The following KIAA1210 variants were observed in gnomAD, a reference collection of about 807,000 sequenced individuals.
The protein encoded by KIAA1210 is acrosomal protein KIAA1210.
A neutral mutation model predicts 78.9 loss-of-function variants in KIAA1210; 48 were observed. The observed-to-expected ratio is 0.61, with a 90% CI of 0.48 to 0.77. The LOEUF (loss-of-function observed/expected upper bound fraction) is 0.77, where lower values mean the gene tolerates loss of function less well. Among genes scored for constraint, KIAA1210 ranks in the 30% least tolerant of loss-of-function variants. The probability of loss-of-function intolerance (pLI) is 0.00; values close to 1 mark genes in which losing one functional copy is unlikely to be tolerated. For missense variants in KIAA1210, 1,108 were observed against 1,100.0 expected, an observed-to-expected ratio of 1.01 and a Z score of -0.10; for synonymous variants, 406 against 404.5, an observed-to-expected ratio of 1.00 and a Z score of -0.04.
At chrX:119,113,389 T>G (rs1245756628) in intron 3 of KIAA1210, among the ~76,000 whole-genome samples, 1 of 112,177 alleles carries the variant, frequency 8.9e-6, no homozygotes, top group African/African-American at 3.2e-5. Context: ...AAGTTCTTGA[T>G]GCATGATTTT....
At chrX:119,121,007 T>G (rs1308981135) in intron 2 of KIAA1210, among the ~76,000 whole-genome samples, 2 of 110,877 alleles carry the variant, frequency 1.8e-5, no homozygotes, top group Non-Finnish European at 3.8e-5. Context: ...GACCGCCCTA[T>G]CCCTAACTGT....
In KIAA1210 at chrX:119,087,739, C is replaced by T. The variant is rs1927203103; in HGVS notation, c.2963G>A (p.Arg988Lys). ...PPQYATQFLK[R>K]SKVQEMTSRL... ...TGAGGTCATTTCCTGAACTTTAGAC[C>T]TCTTTAAGAACTGGGTAGCATATTG... Residue 988 changes from arginine (R) to lysine (K), a missense_variant, in exon 9 of 12, where the codon AGG (arginine) becomes AAG (lysine). Coordinates refer to ENST00000691062, the MANE Select transcript of KIAA1210 (RefSeq NM_001394962.1). The T allele has an allele frequency of 1.7e-6, 2 of 1,209,955 alleles. No individual in the cohort carries two copies. Among genetic ancestry groups the T allele is most frequent in the African/African-American group, 3.5e-5 (2 of 57,168 alleles).
At chrX:119,134,312 C>A (rs773124637) in intron 2 of KIAA1210, among the ~76,000 whole-genome samples, 1 of 112,585 alleles carries the variant, frequency 8.9e-6, no homozygotes, top group South Asian at 3.7e-4. Flanking sequence ...GGATTTAATT[C>A]TTTTACATAG....
At position 119,106,408 on chromosome X, in the gene KIAA1210, C is replaced by A. The variant is rs183937081; in HGVS notation, c.493-1261G>T. Reference sequence around the variant, plus strand: ...TGCCCTAATTCTTTCAGTGGCAGAGCAAGCATTTGAAAGGTCTGTCCAGCT... The same window carrying A: ...TGCCCTAATTCTTTCAGTGGCAGAGAAAGCATTTGAAAGGTCTGTCCAGCT... On this transcript the variant is annotated intron_variant, in intron 5 of 11. Coordinates refer to ENST00000691062, the MANE Select transcript of KIAA1210 (RefSeq NM_001394962.1). 6.5e-3 allele frequency among the ~76,000 whole-genome samples: 721 copies of A among 111,455 alleles called. 4 individuals are homozygous for A. The highest frequency in any genetic ancestry group is 0.032 in the Middle Eastern group (7 of 218).
intron 2 of KIAA1210, among the ~76,000 whole-genome samples, chrX:119,118,259 T>C (rs1928339755): frequency 8.9e-6 from 1 of 112,010 alleles, no homozygotes; most frequent in Non-Finnish European, 1.9e-5. Context: ...ATTAGCTCTG[T>C]GACCTGGAGT....
chrX:119,085,149 T>C (rs954397144), intron 10 of KIAA1210, among the ~76,000 whole-genome samples: 2 of 112,403 alleles, frequency 1.8e-5, no homozygotes, highest in Non-Finnish European at 3.8e-5. Context: ...CCTAGAGTGC[T>C]GGGATTATAA....
chrX:119,098,462 G>A (rs760932196), intron 6 of KIAA1210, among the ~76,000 whole-genome samples: 2 of 110,665 alleles, frequency 1.8e-5, no homozygotes, highest in East Asian at 2.8e-4. Flanking sequence ...AAACTTAGCC[G>A]GGTGTGGTGG....
intron 6 of KIAA1210, among the ~76,000 whole-genome samples, chrX:119,102,837 T>C (rs1021006624): frequency 4.5e-5 from 5 of 111,950 alleles, no homozygotes; most frequent in African/African-American, 1.6e-4. Flanking sequence ...TTCACAGGTG[T>C]GGGACAAAGG....
At chrX:119,132,943 C>A (rs1213126588) in intron 2 of KIAA1210, among the ~76,000 whole-genome samples, 1 of 111,799 alleles carries the variant, frequency 8.9e-6, no homozygotes, top group Admixed American at 9.5e-5. Context: ...GCCTTTCAAA[C>A]TATTGCTGTA....
At chrX:119,119,895 G>A (rs1043548961) in intron 2 of KIAA1210, among the ~76,000 whole-genome samples, 6 of 104,877 alleles carry the variant, frequency 5.7e-5, no homozygotes, top group Non-Finnish European at 1.2e-4. Flanking sequence ...AGAATGGCAC[G>A]AACCCGGGAG....
intron 2 of KIAA1210, among the ~76,000 whole-genome samples, chrX:119,133,708 C>T (rs1266604129): frequency 1.9e-5 from 2 of 104,320 alleles, no homozygotes; most frequent in African/African-American, 3.5e-5. Flanking sequence ...CTCGCTCTGT[C>T]GCCAGGCTGG....
chrX:119,085,567 G>A, intron 9 of KIAA1210, 21 bp from the exon 10 acceptor site: 1 of 1,195,269 alleles, frequency 8.4e-7, no homozygotes, highest in South Asian at 1.9e-5. Context: ...AATGAAAGGA[G>A]TTAGAACTGA....
At chrX:119,096,878 T>C (rs1247969560) in intron 6 of KIAA1210, among the ~76,000 whole-genome samples, 187 bp from the exon 7 acceptor site, 1 of 112,512 alleles carries the variant, frequency 8.9e-6, no homozygotes, top group Non-Finnish European at 1.9e-5. Context: ...CTGGTTTTCT[T>C]GCAGATGAAA....
upstream of KIAA1210, among the ~76,000 whole-genome samples, chrX:119,131,797 A>G (rs1306562417): frequency 8.9e-6 from 1 of 112,251 alleles, no homozygotes; most frequent in African/African-American, 3.2e-5. Flanking sequence ...GACCTCAGGC[A>G]GGGCACAGTG....
In KIAA1210 at chrX:119,089,400, C is replaced by T. The variant is rs1235162220; in HGVS notation, c.1302G>A (p.Leu434=). The change falls in exon 9 of 12, where the codon TTG becomes TTA. Residue 434 remains leucine (L), a synonymous_variant. Transcript: ENST00000691062. ...TTCCCATGTCATCTTTATCTGAAAG[C>T]AACCCCTGAGGGGTAGTGGTTTCTG... The part of the protein sequence containing the change: ...SQPETTTPQG[L]LSDKDDMGRR... 1 of 1,211,678 alleles carries T rather than the reference C, an allele frequency of 8.3e-7. No individual in the cohort carries two copies. Among genetic ancestry groups the T allele is most frequent in the Non-Finnish European group, 1.1e-6 (1 of 895,421 alleles).
chrX:119,098,632 C>A (rs1042915093), intron 6 of KIAA1210, among the ~76,000 whole-genome samples: 1 of 106,752 alleles, frequency 9.4e-6, no homozygotes, highest in Non-Finnish European at 1.9e-5. Flanking sequence ...AAAAAGGCAC[C>A]TTTTCAGTGA....
At chrX:119,150,906 G>A (rs1041567589), upstream of KIAA1210, among the ~76,000 whole-genome samples, 1 of 112,680 alleles carries the variant, frequency 8.9e-6, no homozygotes, top group African/African-American at 3.2e-5. Context: ...TGGTGTCTAG[G>A]GGGAGTAGGT....
intron 2 of KIAA1210, among the ~76,000 whole-genome samples, chrX:119,139,815 G>A (rs771951406): frequency 8.9e-6 from 1 of 112,154 alleles, no homozygotes; most frequent in African/African-American, 3.2e-5. Context: ...GACCACAGAT[G>A]AAGGTATTTT....
upstream of KIAA1210, among the ~76,000 whole-genome samples, chrX:119,130,545 C>A (rs1928765416): frequency 8.9e-6 from 1 of 112,591 alleles, no homozygotes; most frequent in African/African-American, 3.2e-5. Flanking sequence ...AGGACGTGCT[C>A]ACTATATATT....
Sources: allele counts gnomAD v4.1 joint callset (sites outside exome capture counted in the v4.1 genomes callset), GRCh38; gene constraint gnomAD v4.1.1; transcripts MANE v1.5; gene names NCBI Gene and HGNC (gene_info 2026-07-23, HGNC 2026-07-21).